Variants in SELPLG observed in about 807,000 individuals in gnomAD.
The protein encoded by SELPLG is selectin P ligand.
A neutral mutation model predicts 1.1 loss-of-function variants in SELPLG; 2 were observed. The ratio of observed to expected loss-of-function variants is 1.82; its 90% CI spans 0.74 to 5.71. SELPLG has a LOEUF of 5.71. Ranked by LOEUF, SELPLG falls within the 30% of genes most tolerant of loss-of-function variation. SELPLG has a pLI of 0.05. For missense variants in SELPLG, 478 were observed against 524.7 expected (o/e 0.91, Z 0.87); for synonymous variants, 230 against 221.2 (o/e 1.04, Z -0.35).
At chr12:108,631,186 G>A (rs1565890644) in intron 1 of SELPLG, among the ~76,000 whole-genome samples, 2 of 152,150 alleles carry the variant, frequency 1.3e-5, no homozygotes, top group Admixed American at 6.6e-5. Flanking sequence ...ACCTCTTTCC[G>A]TCATCTACCT....
intron 1 of SELPLG, chr12:108,631,714 G>T: frequency 1.5e-6 from 1 of 652,568 alleles, no homozygotes; most frequent in Non-Finnish European, 2.6e-6. Flanking sequence ...TTGCTGGCCT[G>T]ATCCAGAGGC....
At position 108,631,994 on chromosome 12, in the gene SELPLG, AGAGGCAGC is replaced by A; in HGVS notation, c.-6+1738_-6+1745del. 3 of 1,450,594 alleles carry A rather than the reference AGAGGCAGC, an allele frequency of 2.1e-6. No individual in the cohort carries two copies. In the African/African-American group the frequency reaches 4.2e-5, roughly 20 times the overall value. The allele number at this position is 1,450,594 out of a possible 1,614,324, so 89.9% of individuals were successfully genotyped here. ...TCCTGCAGCCAGAAGCCATGCCGCCAGAGGCAGCTGCTTCTCCCCTTCAAGCCTCAGTT... is the reference window on the plus strand; with the variant it reads ...TCCTGCAGCCAGAAGCCATGCCGCCATGCTTCTCCCCTTCAAGCCTCAGTT... On this transcript the variant is annotated intron_variant, in intron 1 of 1. Transcript: ENST00000550948.
chr12:108,623,903 T>C lies in SELPLG; in HGVS notation c.405A>G (p.Gln135=), dbSNP rs748806880. ...TGGTCTGTGCCTCCGTGGGCACTGG[T>C]TGAGTGGTCTGTGCCTCCGTGGCTG... ...QPAATEAQTT[Q]PVPTEAQTTP... Residue 135 remains glutamine, a synonymous_variant, in exon 2 of 2, where the codon CAA becomes CAG. Transcript: ENST00000550948. 2.8e-6 allele frequency: 3 copies of C among 1,067,476 alleles called. No individual in the cohort carries two copies. The highest frequency in any genetic ancestry group is 3.5e-5 in the African/African-American group (2 of 57,392). The allele number at this position is 1,067,476 out of a possible 1,614,324, so 66.1% of individuals were successfully genotyped here.
At chr12:108,630,560 G>T (rs1049327474) in intron 1 of SELPLG, among the ~76,000 whole-genome samples, 10 of 152,186 alleles carry the variant, frequency 6.6e-5, no homozygotes, top group African/African-American at 4.8e-5. Flanking sequence ...GCCCTGCCCT[G>T]CTGTGCCCTG....
At chr12:108,628,318 A>AATACAC (rs1057249726) in intron 1 of SELPLG, among the ~76,000 whole-genome samples, 324 of 140,304 alleles carry the variant, frequency 2.3e-3, no homozygotes, top group African/African-American at 8.4e-3. Context: ...TAATAAATGT[A>AATACAC]ACACACACAC....
chr12:108,630,562 T>G (rs923215925), intron 1 of SELPLG, among the ~76,000 whole-genome samples: 2 of 152,232 alleles, frequency 1.3e-5, no homozygotes, highest in African/African-American at 2.4e-5. Flanking sequence ...CCTGCCCTGC[T>G]GTGCCCTGGG....
intron 1 of SELPLG, among the ~76,000 whole-genome samples, chr12:108,624,980 G>C (rs117261816): frequency 6.6e-6 from 1 of 151,672 alleles, no homozygotes; most frequent in African/African-American, 2.4e-5. Flanking sequence ...GAGCCACTGC[G>C]CCCGACCTCA....
At position 108,623,308 on chromosome 12, in the gene SELPLG, A is replaced by C. The variant is rs975872198; in HGVS notation, c.1000T>G (p.Phe334Val). The C allele has an allele frequency of 6.2e-7, 1 of 1,614,260 alleles. No homozygotes were observed. Among genetic ancestry groups the C allele is most frequent in the Non-Finnish European group, 8.5e-7 (1 of 1,180,046 alleles). ...ILILALVATI[F>V]FVCTVVLAVR... ...GCCAGCACCACAGTGCACACGAAGA[A>C]GATAGTGGCCACCAGCGCCAAGATT... Residue 334 changes from phenylalanine to valine, a missense_variant, in exon 2 of 2, where the codon TTC becomes GTC. Physicochemically the swap from Phe to Val is conservative, Grantham distance 50. Transcript: ENST00000550948.
intron 1 of SELPLG, among the ~76,000 whole-genome samples, chr12:108,625,198 C>G (rs2031916431): frequency 6.6e-6 from 1 of 152,154 alleles, no homozygotes; most frequent in African/African-American, 2.4e-5. Flanking sequence ...TGCCCCCTCT[C>G]CCTGCCCACT....
Position 108,624,204 on chromosome 12 carries a change from A to G in SELPLG, c.104T>C (p.Leu35Pro), listed in dbSNP as rs1212097547. 1.2e-6 allele frequency: 2 copies of G among 1,614,208 alleles called. No homozygotes were observed. Among genetic ancestry groups the G allele is most frequent in the Middle Eastern group, 1.6e-4 (1 of 6,062 alleles). Residue 35 changes from leucine (L) to proline (P), a missense_variant, in exon 2 of 2, where the codon CTG (leucine) becomes CCG (proline). Coordinates refer to ENST00000550948, the MANE Select transcript of SELPLG (RefSeq NM_003006.4). ...GGCCTGTCTCCGGTCCCGGGCAAGCAGGGGACCCAAGGCTTTCTCGGCTTC... is the reference window on the plus strand; with the variant it reads ...GGCCTGTCTCCGGTCCCGGGCAAGCGGGGGACCCAAGGCTTTCTCGGCTTC... ...ADEAEKALGP[L>P]LARDRRQATE...
At chr12:108,626,058 C>T (rs2031930285) in intron 1 of SELPLG, among the ~76,000 whole-genome samples, 1 of 152,052 alleles carries the variant, frequency 6.6e-6, no homozygotes, top group Non-Finnish European at 1.5e-5. Context: ...CACTCACGGG[C>T]CCCTCACCTT....
chr12:108,630,363 C>T (rs769012135), intron 1 of SELPLG, among the ~76,000 whole-genome samples: 3 of 152,212 alleles, frequency 2.0e-5, no homozygotes, highest in Non-Finnish European at 2.9e-5. Context: ...TGGGGCTCCA[C>T]GCCGCTAGGA....
rs2031845509 is a variant in SELPLG at position 108,622,827 on chromosome 12, C to T, written c.*242G>A. 2.1e-6 allele frequency: 1 copy of T among 471,484 alleles called. No homozygotes were observed. Among genetic ancestry groups the T allele is most frequent in the African/African-American group, 1.9e-5 (1 of 51,430 alleles). 29.2% of individuals were successfully genotyped at this position (471,484 alleles called of 1,614,324 possible). ...AAGTAAATGGCCTCCTGCCTTGGAC[C>T]TCGGCTGAAATGTGGCTGGGCTTCA... On this transcript the variant is annotated 3_prime_UTR_variant, in exon 2 of 2. Coordinates refer to ENST00000550948, the MANE Select transcript of SELPLG (RefSeq NM_003006.4).
chr12:108,631,715 A>G (rs1385433767), intron 1 of SELPLG: 1 of 655,376 alleles, frequency 1.5e-6, no homozygotes, highest in East Asian at 2.9e-5. Context: ...TGCTGGCCTG[A>G]TCCAGAGGCA....
In SELPLG at chr12:108,627,130, C is replaced by T. The variant is rs187546111; in HGVS notation, c.-5-2818G>A. On this transcript the variant is annotated intron_variant, in intron 1 of 1. Transcript: ENST00000550948. ...AAAAATAAAAAAATACTTTCTTAAACCAAACTTTACGATATTTGCACCAGA... is the reference window on the plus strand; with the variant it reads ...AAAAATAAAAAAATACTTTCTTAAATCAAACTTTACGATATTTGCACCAGA... Among the ~76,000 whole-genome samples, 5 of 152,278 alleles carry T rather than the reference C, an allele frequency of 3.3e-5. No individual in the cohort carries two copies. The East Asian group carries it at 9.6e-4, about 29-fold the overall frequency.
chr12:108,624,176 G>A lies in SELPLG; in HGVS notation c.132C>T (p.Thr44=), dbSNP rs751563092. Residue 44 remains threonine, a synonymous_variant, in exon 2 of 2, where the codon ACC becomes ACT. Transcript: ENST00000550948. The part of the protein sequence containing the change: ...PLLARDRRQA[T]EYEYLDYDFL... Reference sequence around the variant, plus strand: ...AATCATAATCTAGGTACTCATATTCGGTGGCCTGTCTCCGGTCCCGGGCAA... The same window carrying A: ...AATCATAATCTAGGTACTCATATTCAGTGGCCTGTCTCCGGTCCCGGGCAA... 20 of 1,614,054 alleles carry A rather than the reference G, an allele frequency of 1.2e-5. No homozygotes were observed. Among genetic ancestry groups the A allele is most frequent in the South Asian group, 4.4e-5 (4 of 91,082 alleles).
In SELPLG at chr12:108,624,134, C is replaced by T. The variant is rs1171141631; in HGVS notation, c.174G>A (p.Glu58=). 4 of 1,614,192 alleles carry T rather than the reference C, an allele frequency of 2.5e-6. No homozygotes were observed. The highest frequency in any genetic ancestry group is 2.5e-6 in the Non-Finnish European group (3 of 1,180,032). ...YLDYDFLPET[E]PPEMLRNSTD... is the part of the protein sequence containing the mutation. ...TGCTGTTCCTCAGCATTTCTGGAGG[C>T]TCCGTTTCTGGCAGGAAATCATAAT... The change falls in exon 2 of 2, where the codon GAG becomes GAA. Residue 58 remains glutamate, a synonymous_variant. Coordinates refer to ENST00000550948, the MANE Select transcript of SELPLG (RefSeq NM_003006.4).
At chr12:108,631,844 C>G in intron 1 of SELPLG, 1 of 1,510,204 alleles carries the variant, frequency 6.6e-7, no homozygotes, top group Non-Finnish European at 8.9e-7. Flanking sequence ...ACACAGACCC[C>G]CAACACACAC....
chr12:108,630,015 C>T (rs915008196), intron 1 of SELPLG, among the ~76,000 whole-genome samples: 5 of 152,232 alleles, frequency 3.3e-5, no homozygotes, highest in Admixed American at 6.5e-5. Flanking sequence ...AAGCAAGGCC[C>T]GGAGCGGCGG....
Sources: gnomAD v4.1 joint callset for allele counts (sites outside exome capture counted in the v4.1 genomes callset) on GRCh38, gnomAD v4.1.1 for gene constraint, MANE v1.5 for transcripts, NCBI Gene and HGNC (gene_info 2026-07-23, HGNC 2026-07-21) for gene names.